UBE2QL1: variants seen among roughly 807,000 people sequenced by gnomAD.
The protein encoded by UBE2QL1 is ubiquitin conjugating enzyme E2 QL1.
A neutral mutation model predicts 12.6 loss-of-function variants in UBE2QL1; 5 were observed. The ratio of observed to expected loss-of-function variants is 0.40; its 90% CI spans 0.21 to 0.83. The LOEUF is 0.83. UBE2QL1 is among the 40% of genes least tolerant of loss of function. UBE2QL1 has a pLI of 0.37. For missense variants in UBE2QL1, 99 were observed against 222.6 expected, an observed-to-expected ratio of 0.44 and a Z score of 3.53; for synonymous variants, 96 against 94.5, an observed-to-expected ratio of 1.02 and a Z score of -0.10.
At chr5:6,489,785 C>T (rs148062076) in intron 1 of UBE2QL1, among the ~76,000 whole-genome samples, 2 of 152,316 alleles carry the variant, frequency 1.3e-5, no homozygotes, top group East Asian at 1.9e-4. Context: ...TTGCTGGTGG[C>T]CACACAGACC....
chr5:6,490,327 C>T (rs1303630137), intron 1 of UBE2QL1, among the ~76,000 whole-genome samples: 3 of 152,240 alleles, frequency 2.0e-5, no homozygotes, highest in African/African-American at 7.2e-5. Flanking sequence ...TTTGCCAGGG[C>T]TTCCCAAGAT....
intron 1 of UBE2QL1, among the ~76,000 whole-genome samples, chr5:6,454,192 C>G (rs1002141186): frequency 1.3e-5 from 2 of 152,106 alleles, no homozygotes; most frequent in African/African-American, 4.8e-5. Context: ...ATACAACACA[C>G]AAAATGTTTA....
chr5:6,458,942 T>C (rs1579288399), intron 1 of UBE2QL1, among the ~76,000 whole-genome samples: 1 of 152,226 alleles, frequency 6.6e-6, no homozygotes, highest in South Asian at 2.1e-4. Flanking sequence ...CACATGTGCC[T>C]GCGTCTGACA....
At chr5:6,480,152 G>A (rs540517908) in intron 1 of UBE2QL1, among the ~76,000 whole-genome samples, 13 of 152,338 alleles carry the variant, frequency 8.5e-5, no homozygotes, top group East Asian at 7.7e-4. Context: ...CCTTCCGCAC[G>A]TTTCTGAGAG....
intron 1 of UBE2QL1, 22 bp from the exon 2 acceptor site, chr5:6,491,195 GT>G (rs1343558177): frequency 6.6e-7 from 1 of 1,522,392 alleles, no homozygotes; most frequent in African/African-American, 1.4e-5. Context: ...TTCTAACCTG[GT>G]TTTTCTTCTC....
At chr5:6,466,119 C>T (rs1168875795) in intron 1 of UBE2QL1, among the ~76,000 whole-genome samples, 1 of 152,102 alleles carries the variant, frequency 6.6e-6, no homozygotes, top group Non-Finnish European at 1.5e-5. Flanking sequence ...GCTGAGGCCT[C>T]CCCACTGACT....
rs1344522756 is a variant in UBE2QL1 at position 6,491,375 on chromosome 5, G to C, written c.*26G>C. 7.2e-6 allele frequency: 11 copies of C among 1,536,578 alleles called. No homozygotes were observed. The highest frequency in any genetic ancestry group is 9.6e-6 in the Non-Finnish European group (11 of 1,140,746). The stretch of plus-strand genomic sequence containing the variant: ...TGTCTGCCACGTGCAGTAGACGCTC[G>C]AGCGCCTGTCCACACACACACCAGT... On this transcript the variant is annotated 3_prime_UTR_variant, in exon 2 of 2. Coordinates refer to ENST00000399816, the MANE Select transcript of UBE2QL1 (RefSeq NM_001145161.3).
chr5:6,448,872 G>T lies in UBE2QL1; in HGVS notation c.-22G>T, dbSNP rs536053586. ...CCGCGGCGCGCCAGCAACACTGCAC[G>T]CAGGTGCGCAGCCGGCGGCTCATGA... On this transcript the variant is annotated 5_prime_UTR_variant, in exon 1 of 2. Coordinates refer to ENST00000399816, the MANE Select transcript of UBE2QL1 (RefSeq NM_001145161.3). 29 of 1,468,932 alleles carry T rather than the reference G, an allele frequency of 2.0e-5. No individual in the cohort carries two copies. In the African/African-American group the frequency reaches 3.7e-4, roughly 19 times the overall value. The allele number at this position is 1,468,932 out of a possible 1,614,324, so 91.0% of individuals were successfully genotyped here.
rs575920454 is a variant in UBE2QL1 at position 6,449,187 on chromosome 5, C to T, written c.294C>T (p.Ser98=). ...AGCTGCTCACGCCGCGCGGCTGGTC[C>T]AGCGCCTACACCGTGGAGGCCGTCA... ...CMELLTPRGW[S]SAYTVEAVMR... Residue 98 remains serine, a synonymous_variant, in exon 1 of 2, where the codon TCC becomes TCT. Coordinates refer to ENST00000399816, the MANE Select transcript of UBE2QL1 (RefSeq NM_001145161.3). The T allele has an allele frequency of 7.2e-6, 11 of 1,518,434 alleles. No homozygotes were observed. In the African/African-American group the frequency reaches 1.4e-4, roughly 19 times the overall value. The allele number at this position is 1,518,434 out of a possible 1,614,324, so 94.1% of individuals were successfully genotyped here.
In UBE2QL1 at chr5:6,470,007, T is replaced by C. The variant is rs964956616; in HGVS notation, c.354+20760T>C. 1.2e-4 allele frequency among the ~76,000 whole-genome samples: 19 copies of C among 152,312 alleles called. No homozygotes were observed. The East Asian group carries it at 2.3e-3, about 19-fold the overall frequency. On this transcript the variant is annotated intron_variant, in intron 1 of 1. Coordinates refer to ENST00000399816, the MANE Select transcript of UBE2QL1 (RefSeq NM_001145161.3). The stretch of plus-strand genomic sequence containing the variant: ...ACCCTGCAATGGTCTGTGGCGATTA[T>C]AAGACAACAGCGATGCCGGGGCCGC...
intron 1 of UBE2QL1, among the ~76,000 whole-genome samples, chr5:6,471,028 A>G (rs1436451261): frequency 3.3e-5 from 5 of 152,124 alleles, no homozygotes; most frequent in South Asian, 4.1e-4. Flanking sequence ...TTTGGCTTAC[A>G]TATTTTCTAT....
intron 1 of UBE2QL1, among the ~76,000 whole-genome samples, chr5:6,449,464 C>T (rs577925823): frequency 1.3e-5 from 2 of 152,086 alleles, no homozygotes; most frequent in Non-Finnish European, 2.9e-5. Context: ...CCGTCTCTCC[C>T]GTCCCCGTCT....
At chr5:6,455,302 C>G (rs1739497185) in intron 1 of UBE2QL1, among the ~76,000 whole-genome samples, 1 of 152,064 alleles carries the variant, frequency 6.6e-6, no homozygotes, top group Admixed American at 6.6e-5. Flanking sequence ...TCGTCCACAC[C>G]CAGGTTTAGA....
chr5:6,465,278 C>T (rs149072232), intron 1 of UBE2QL1, among the ~76,000 whole-genome samples: 161 of 152,218 alleles, frequency 1.1e-3, no homozygotes, highest in African/African-American at 3.6e-3. Flanking sequence ...TGAGCCACCA[C>T]GCACAGTCAG....
Position 6,476,360 on chromosome 5 carries a change from A to C in UBE2QL1, c.355-14858A>C, listed in dbSNP as rs139807674. Among the ~76,000 whole-genome samples the C allele has an allele frequency of 6.6e-6, 1 of 152,352 alleles. No individual in the cohort carries two copies. The highest frequency in any genetic ancestry group is 1.9e-4 in the East Asian group (1 of 5,178). ...TATTTTGAGGTGTTTGGTTGTTAAA[A>C]GTTTTTCAGCACTTAAAGGTCTAAT... On this transcript the variant is annotated intron_variant, in intron 1 of 1. Transcript: ENST00000399816. The surrounding 1 kb of genome is among the most constrained non-coding windows in gnomAD (Gnocchi z 4.9).
rs561741030 is a variant in UBE2QL1 at position 6,496,086 on chromosome 5, A to G, written c.*4737A>G. ...AAGGTCATGATAAGGCTAGACAAATAGAGTGCAATGAGGGGGTCAGGTGCG... is the reference window on the plus strand; with the variant it reads ...AAGGTCATGATAAGGCTAGACAAATGGAGTGCAATGAGGGGGTCAGGTGCG... On this transcript the variant is annotated 3_prime_UTR_variant, in exon 2 of 2. Transcript: ENST00000399816. Among the ~76,000 whole-genome samples the G allele has an allele frequency of 6.6e-6, 1 of 152,336 alleles. No individual in the cohort carries two copies. Among genetic ancestry groups the G allele is most frequent in the East Asian group, 1.9e-4 (1 of 5,184 alleles).
At chr5:6,474,712 T>C (rs1734185243) in intron 1 of UBE2QL1, among the ~76,000 whole-genome samples, 2 of 152,256 alleles carry the variant, frequency 1.3e-5, no homozygotes, top group South Asian at 4.1e-4. Context: ...TCGTCGTTCA[T>C]TCCTCAGTAA....
At chr5:6,455,800 ATAAT>A (rs1021931943) in intron 1 of UBE2QL1, among the ~76,000 whole-genome samples, 1 of 151,476 alleles carries the variant, frequency 6.6e-6, no homozygotes, top group African/African-American at 2.4e-5. Flanking sequence ...AGAAGTGGTG[ATAAT>A]TAATCCCCCC....
rs144208481 is a variant in UBE2QL1 at position 6,451,589 on chromosome 5, T to G, written c.354+2342T>G. Among the ~76,000 whole-genome samples, 556 of 152,364 alleles carry G rather than the reference T, an allele frequency of 3.6e-3. 4 individuals are homozygous for G. Among genetic ancestry groups the G allele is most frequent in the African/African-American group, 0.013 (537 of 41,580 alleles). On this transcript the variant is annotated intron_variant, in intron 1 of 1. Transcript: ENST00000399816. The stretch of plus-strand genomic sequence containing the variant: ...TCCACATCTAAATAGAGGCAAAATC[T>G]CAGCACTTTTTAAAGTGCAAGTTCA...
Sources: allele counts gnomAD v4.1 joint callset (sites outside exome capture counted in the v4.1 genomes callset), GRCh38; gene constraint gnomAD v4.1.1; non-coding constraint Gnocchi (gnomAD v3.1); transcripts MANE v1.5; gene names NCBI Gene and HGNC (gene_info 2026-07-23, HGNC 2026-07-21).